The following IGF2R variants were observed in gnomAD, a reference collection of about 807,000 sequenced individuals.
IGF2R encodes insulin like growth factor 2 receptor, also known as cation-independent mannose-6-phosphate receptor.
Under a neutral mutation model 270.6 loss-of-function variants are expected in IGF2R, and 91 were observed. That is an observed-to-expected ratio of 0.34 (90% CI 0.28 to 0.40). The LOEUF (loss-of-function observed/expected upper bound fraction) is 0.40, where lower values mean the gene tolerates loss of function less well. IGF2R is among the 10% of genes least tolerant of loss of function. The pLI is 1.00. For synonymous variants in IGF2R, 1,316 were observed against 1,258.9 expected, an observed-to-expected ratio of 1.05 and a Z score of -0.96; for missense variants, 2,805 against 3,188.3, an observed-to-expected ratio of 0.88 and a Z score of 2.90.
At chr6:159,999,388 A>G (rs1161636888) in intron 2 of IGF2R, among the ~76,000 whole-genome samples, 1 of 152,226 alleles carries the variant, frequency 6.6e-6, no homozygotes, top group African/African-American at 2.4e-5. Flanking sequence ...TAGCCTCCAC[A>G]ATGAGCACCT....
At position 160,050,939 on chromosome 6, in the gene IGF2R, A is replaced by G. The variant is rs1300481101; in HGVS notation, c.2694+287A>G. On this transcript the variant is annotated intron_variant, in intron 19 of 47. Transcript: ENST00000356956. This position sits in a 1 kb window ranked among gnomAD's most constrained non-coding sequence, Gnocchi z 4.0. ...TTTTTTTCTGAGTCGTACAGACATTATCTTGCCTCTTAGTTCTTGTGAGTT... is the reference window on the plus strand; with the variant it reads ...TTTTTTTCTGAGTCGTACAGACATTGTCTTGCCTCTTAGTTCTTGTGAGTT... 1.3e-5 allele frequency among the ~76,000 whole-genome samples: 2 copies of G among 152,108 alleles called. No individual in the cohort carries two copies. The highest frequency in any genetic ancestry group is 1.5e-5 in the Non-Finnish European group (1 of 68,010).
chr6:160,041,908 A>G lies in IGF2R; in HGVS notation c.1480+1184A>G, dbSNP rs185598735. 2.4e-3 allele frequency among the ~76,000 whole-genome samples: 365 copies of G among 152,244 alleles called. 1 individual carries two copies. Among genetic ancestry groups the G allele is most frequent in the Admixed American group, 4.6e-3 (70 of 15,298 alleles). Reference sequence around the variant, plus strand: ...CCTGGCTGAGGACTGGTGTTGCCGCATCCAACCACATTTGCTTGAGCGAGC... The same window carrying G: ...CCTGGCTGAGGACTGGTGTTGCCGCGTCCAACCACATTTGCTTGAGCGAGC... On this transcript the variant is annotated intron_variant, in intron 11 of 47. Transcript: ENST00000356956.
chr6:160,019,681 T>C (rs1264550704), intron 4 of IGF2R, among the ~76,000 whole-genome samples: 1 of 152,146 alleles, frequency 6.6e-6, no homozygotes, highest in Non-Finnish European at 1.5e-5. Flanking sequence ...TCAATAAATG[T>C]GATTCACCAT....
intron 25 of IGF2R, 54 bp from the exon 26 acceptor site, chr6:160,062,478 G>T: frequency 1.4e-6 from 2 of 1,418,266 alleles, no homozygotes; most frequent in South Asian, 1.1e-5. Flanking sequence ...GGCCCCATTT[G>T]ATTAATTTTT....
At position 159,999,444 on chromosome 6, in the gene IGF2R, C is replaced by T. The variant is rs552506868; in HGVS notation, c.289+8121C>T. Among the ~76,000 whole-genome samples the T allele has an allele frequency of 6.6e-5, 10 of 152,262 alleles. No individual in the cohort carries two copies. In the South Asian group the frequency reaches 1.9e-3, roughly 28 times the overall value. Reference sequence around the variant, plus strand: ...TGGATTTGAATGTGGACAGCCGGCTCCAGAGCCTGTGTACTCACTCAGGGC... The same window carrying T: ...TGGATTTGAATGTGGACAGCCGGCTTCAGAGCCTGTGTACTCACTCAGGGC... On this transcript the variant is annotated intron_variant, in intron 2 of 47. Transcript: ENST00000356956.
At chr6:159,982,234 T>G (rs1439843878) in intron 1 of IGF2R, among the ~76,000 whole-genome samples, 2 of 152,200 alleles carry the variant, frequency 1.3e-5, no homozygotes, top group African/African-American at 2.4e-5. Flanking sequence ...TCCTTGCTGT[T>G]TTTTCCCTTT....
At chr6:160,064,771 C>A in intron 28 of IGF2R, 33 bp from the exon 29 acceptor site, 1 of 1,440,772 alleles carries the variant, frequency 6.9e-7, no homozygotes, top group Non-Finnish European at 9.8e-7. Context: ...TTTGCATTCT[C>A]ACTTTTATAT....
chr6:160,076,132 A>G, intron 36 of IGF2R, 136 bp downstream of exon 36: 1 of 820,074 alleles, frequency 1.2e-6, no homozygotes, highest in Non-Finnish European at 2.0e-6. Context: ...GTACGCTAGT[A>G]GTGTGTCTGA....
Position 160,040,591 on chromosome 6 carries a change from A to C in IGF2R, c.1347A>C (p.Thr449=). The change falls in exon 11 of 48, where the codon ACA becomes ACC. Residue 449 remains threonine (T), a synonymous_variant. Coordinates refer to ENST00000356956, the MANE Select transcript of IGF2R (RefSeq NM_000876.4). ...GNDGKGTPVF[T]GEVDCTYFFT... ...ATGGGAAAGGAACTCCTGTATTCAC[A>C]GGGGAGGTTGACTGCACCTACTTCT... The C allele has an allele frequency of 6.2e-7, 1 of 1,614,136 alleles. No individual in the cohort carries two copies. The highest frequency in any genetic ancestry group is 8.5e-7 in the Non-Finnish European group (1 of 1,179,994).
Position 160,108,146 on chromosome 6 carries a change from AG to A in IGF2R, c.*3064del, listed in dbSNP as rs1779662367. 2 of 152,356 alleles carry A rather than the reference AG, an allele frequency of 1.3e-5. No homozygotes were observed. The highest frequency in any genetic ancestry group is 4.1e-4 in the South Asian group (2 of 4,830). The allele number at this position is 152,356 out of a possible 1,614,324, so 9.4% of individuals were successfully genotyped here. A position where few individuals can be genotyped will look rare whatever the true frequency, so the allele number is the denominator to read the frequency against. ...CTCTGAAGAATCCCATGGCTCAGGG[AG>A]GTACACTCATGTCCTTTCTTACTTC... On this transcript the variant is annotated 3_prime_UTR_variant, in exon 48 of 48. Coordinates refer to ENST00000356956, the MANE Select transcript of IGF2R (RefSeq NM_000876.4).
At chr6:160,065,812 GTGTA>G (rs1237924245) in intron 29 of IGF2R, among the ~76,000 whole-genome samples, 2,387 of 69,024 alleles carry the variant, frequency 0.035, 23 homozygotes, top group Non-Finnish European at 0.049. Flanking sequence ...GTGTGTGTGT[GTGTA>G]TATATATATA....
In IGF2R at chr6:160,043,139, T is replaced by C. The variant is rs1777983618; in HGVS notation, c.1481-9T>C. 6.2e-7 allele frequency: 1 copy of C among 1,613,632 alleles called. No homozygotes were observed. The highest frequency in any genetic ancestry group is 1.7e-5 in the Admixed American group (1 of 59,908). ...CTTTTGGCTAAAATACACTTTTGTT[T>C]TGTTACAGAACCAGAGCAGAATTGG... On this transcript the variant is annotated splice_polypyrimidine_tract_variant and intron_variant, in intron 11 of 47. Coordinates refer to ENST00000356956, the MANE Select transcript of IGF2R (RefSeq NM_000876.4).
chr6:159,995,976 T>A (rs1236911055), intron 2 of IGF2R, among the ~76,000 whole-genome samples: 4 of 151,882 alleles, frequency 2.6e-5, no homozygotes, highest in Non-Finnish European at 5.9e-5. Flanking sequence ...TCTTCTTTAT[T>A]TTTGAATTTA....
intron 30 of IGF2R, among the ~76,000 whole-genome samples, chr6:160,069,038 A>G (rs986869795): frequency 2.6e-5 from 4 of 152,134 alleles, no homozygotes; most frequent in African/African-American, 9.7e-5. Flanking sequence ...CTTAGCAGGT[A>G]GAAGATGGGG....
Position 160,080,202 on chromosome 6 carries a change from G to C in IGF2R, c.5760G>C (p.Glu1920Asp). ...AGAGCTACGAGGAGTGCATCATAGA[G>C]AGCAGGGCGAAGCTGTGGTGTAGCA... ...NGKSYEECII[E>D]SRAKLWCSTT... Residue 1920 changes from glutamate to aspartate, a missense_variant, in exon 39 of 48, where the codon GAG becomes GAC. Glu to Asp is a conservative substitution (Grantham distance 45). Around this residue, in one of 2 missense-constraint regions of IGF2R, gnomAD observed 1,851 missense variants for 2,207.2 expected, o/e 0.84. Coordinates refer to ENST00000356956, the MANE Select transcript of IGF2R (RefSeq NM_000876.4). The C allele has an allele frequency of 1.2e-6, 2 of 1,614,206 alleles. No homozygotes were observed. The highest frequency in any genetic ancestry group is 1.7e-6 in the Non-Finnish European group (2 of 1,180,024).
At chr6:160,033,179 C>T in intron 9 of IGF2R, 72 bp downstream of exon 9, 1 of 1,088,784 alleles carries the variant, frequency 9.2e-7, no homozygotes, top group Admixed American at 2.1e-5. Flanking sequence ...CTCTGGCGCC[C>T]AGGCTAGACT....
chr6:160,066,208 G>A (rs1583288642), intron 29 of IGF2R, among the ~76,000 whole-genome samples: 1 of 152,018 alleles, frequency 6.6e-6, no homozygotes, highest in African/African-American at 2.4e-5. Context: ...GTAGAGATGG[G>A]GTTCCACTAT....
At chr6:160,036,429 G>A (rs1466549151) in intron 10 of IGF2R, among the ~76,000 whole-genome samples, 6 of 152,076 alleles carry the variant, frequency 3.9e-5, no homozygotes, top group Non-Finnish European at 8.8e-5. Flanking sequence ...CTTGGTTCTG[G>A]CTCCCAGGTC....
rs1260061444 is a variant in IGF2R, at chr6:160,073,455, G to T, written c.4933G>T (p.Ala1645Ser). The T allele has an allele frequency of 6.2e-7, 1 of 1,614,228 alleles. No individual in the cohort carries two copies. Among genetic ancestry groups the T allele is most frequent in the South Asian group, 1.1e-5 (1 of 91,092 alleles). The part of the protein sequence containing the change: ...TLFFSWHTPL[A>S]CEQATECSVR... The stretch of plus-strand genomic sequence containing the variant: ...CTTCTTCTCCTGGCACACGCCGCTG[G>T]CCTGCGAGCAAGCGGTGAGTTTTCA... Residue 1645 changes from alanine to serine, a missense_variant, in exon 34 of 48, where the codon GCC becomes TCC. By Grantham distance (99) the Ala-to-Ser change is moderately conservative. Around this residue, in one of 2 missense-constraint regions of IGF2R, gnomAD observed 1,851 missense variants for 2,207.2 expected, o/e 0.84. Transcript: ENST00000356956.
Sources: allele counts gnomAD v4.1 joint callset (sites outside exome capture counted in the v4.1 genomes callset), GRCh38; gene constraint gnomAD v4.1.1; regional missense constraint gnomAD v4.1.1; non-coding constraint Gnocchi (gnomAD v3.1); transcripts MANE v1.5; gene names NCBI Gene and HGNC (gene_info 2026-07-23, HGNC 2026-07-21).